The following TLE1 variants were observed in gnomAD, a reference collection of about 807,000 sequenced individuals.
TLE1 encodes TLE family member 1, transcriptional corepressor, also known as transducin-like enhancer protein 1.
TLE1 carries 21 observed loss-of-function variants against 89.8 expected under a neutral mutation model. That is an observed-to-expected ratio of 0.23 (90% CI 0.17 to 0.34). The LOEUF (loss-of-function observed/expected upper bound fraction) is 0.34, where lower values mean the gene tolerates loss of function less well. Ranked by LOEUF, TLE1 falls within the 10% of genes least tolerant of loss-of-function variation. The pLI is 1.00. For missense variants in TLE1, 795 were observed against 1,031.2 expected (o/e 0.77, Z 3.14); for synonymous variants, 447 against 407.6 (o/e 1.10, Z -1.16).
chr9:81,626,377 T>G (rs2132257798), intron 8 of TLE1, among the ~76,000 whole-genome samples: 1 of 152,334 alleles, frequency 6.6e-6, no homozygotes, highest in African/African-American at 2.4e-5. Context: ...CTTCTCCATC[T>G]ACACCTGGTG....
At chr9:81,620,297 T>G in intron 9 of TLE1, 144 bp downstream of exon 9, 1 of 687,666 alleles carries the variant, frequency 1.5e-6, no homozygotes. Context: ...CAAAGGGAAA[T>G]ACTATCCTAC....
chr9:81,687,838 G>A (rs748678855), intron 1 of TLE1, among the ~76,000 whole-genome samples: 1 of 152,036 alleles, frequency 6.6e-6, no homozygotes, highest in Non-Finnish European at 1.5e-5. Context: ...AGAGTCGCCG[G>A]GGCCACCTCC....
At chr9:81,605,881 A>C (rs1171400540) in intron 14 of TLE1, among the ~76,000 whole-genome samples, 2 of 152,172 alleles carry the variant, frequency 1.3e-5, no homozygotes, top group African/African-American at 2.4e-5. Flanking sequence ...CCCATCTGAC[A>C]AAGGGCTAAT....
chr9:81,587,649 G>C, intron 17 of TLE1, 32 bp downstream of exon 17: 2 of 1,583,686 alleles, frequency 1.3e-6, no homozygotes, highest in South Asian at 1.2e-5. Flanking sequence ...CCACCTCCCA[G>C]ACTCCAGGGC....
chr9:81,592,005 G>A (rs1299221651), intron 15 of TLE1, among the ~76,000 whole-genome samples: 1 of 152,204 alleles, frequency 6.6e-6, no homozygotes, highest in African/African-American at 2.4e-5. Context: ...GGGCAGGGCA[G>A]CTCGGAGTCT....
At chr9:81,634,406 G>T in intron 6 of TLE1, 105 bp from the exon 7 acceptor site, 1 of 932,352 alleles carries the variant, frequency 1.1e-6, no homozygotes, top group South Asian at 2.4e-5. Flanking sequence ...CATGACAGGA[G>T]GGGAAGGCGG....
At chr9:81,616,197 C>T in intron 10 of TLE1, 63 bp from the exon 11 acceptor site, 1 of 1,540,062 alleles carries the variant, frequency 6.5e-7, no homozygotes, top group Non-Finnish European at 8.7e-7. Flanking sequence ...TTTCCCTTTC[C>T]ACACTCATTC....
intron 16 of TLE1, 114 bp downstream of exon 16, chr9:81,590,691 C>G (rs1829360127): frequency 6.6e-7 from 1 of 1,511,370 alleles, no homozygotes; most frequent in Admixed American, 2.1e-5. Context: ...AGCCCCATGC[C>G]TGGCATTCAA....
chr9:81,588,754 A>G (rs536743988), intron 16 of TLE1, among the ~76,000 whole-genome samples: 1 of 152,164 alleles, frequency 6.6e-6, no homozygotes, highest in South Asian at 2.1e-4. Context: ...GCAGCCAGAA[A>G]AGGCGAGCAA....
At chr9:81,584,808 A>G (rs1318319654) in intron 18 of TLE1, among the ~76,000 whole-genome samples, 6 of 152,164 alleles carry the variant, frequency 3.9e-5, no homozygotes, top group African/African-American at 1.4e-4. Flanking sequence ...TCAATGAAGA[A>G]TGTGTTCTAT....
chr9:81,608,949 A>AAAAG (rs1360043368), intron 14 of TLE1, among the ~76,000 whole-genome samples: 8 of 152,128 alleles, frequency 5.3e-5, no homozygotes, highest in Non-Finnish European at 1.0e-4. Context: ...AATAATAAAA[A>AAAAG]AAAGAAAGAA....
intron 17 of TLE1, among the ~76,000 whole-genome samples, chr9:81,586,930 T>C (rs1020276944): frequency 2.0e-4 from 31 of 152,342 alleles, no homozygotes; most frequent in Admixed American, 3.3e-4. Context: ...TGTCCTAGTT[T>C]TCTGAGTAGA....
intron 4 of TLE1, among the ~76,000 whole-genome samples, chr9:81,656,325 T>C (rs559149912): frequency 1.3e-5 from 2 of 152,288 alleles, no homozygotes; most frequent in African/African-American, 4.8e-5. Context: ...GGAGTAGAGA[T>C]GCCTTTGGTA....
chr9:81,646,135 A>T (rs905652716), intron 6 of TLE1, among the ~76,000 whole-genome samples: 14 of 152,196 alleles, frequency 9.2e-5, no homozygotes, highest in South Asian at 4.1e-4. Context: ...AAATTTTTTT[A>T]AAAAAGGAAA....
chr9:81,687,294 G>C (rs1355164857), intron 2 of TLE1, 40 bp downstream of exon 2: 2 of 1,556,782 alleles, frequency 1.3e-6, no homozygotes, highest in African/African-American at 2.7e-5. Context: ...GGGGCACCGG[G>C]ACGCCCGCGA....
chr9:81,628,109 G>A (rs1044254706), intron 8 of TLE1, among the ~76,000 whole-genome samples: 5 of 152,182 alleles, frequency 3.3e-5, no homozygotes, highest in African/African-American at 1.2e-4. Context: ...GAGAAACCCA[G>A]AAGTAACTGC....
At chr9:81,626,102 C>G (rs1825872336) in intron 8 of TLE1, among the ~76,000 whole-genome samples, 2 of 152,148 alleles carry the variant, frequency 1.3e-5, no homozygotes, top group Non-Finnish European at 2.9e-5. Flanking sequence ...AAAAGCAAGA[C>G]AGGTTTCCCT....
At chr9:81,622,721 C>T (rs1257524895) in intron 8 of TLE1, among the ~76,000 whole-genome samples, 1 of 152,066 alleles carries the variant, frequency 6.6e-6, no homozygotes, top group East Asian at 1.9e-4. Context: ...TAATTAGCAC[C>T]CCTGCTTATC....
chr9:81,633,970 G>T, intron 7 of TLE1, 127 bp downstream of exon 7: 2 of 1,100,864 alleles, frequency 1.8e-6, no homozygotes, highest in Non-Finnish European at 2.5e-6. Context: ...AAAGCTTTGC[G>T]ACAGTTCCTC....
Sources: allele counts gnomAD v4.1 joint callset (sites outside exome capture counted in the v4.1 genomes callset), GRCh38; gene constraint gnomAD v4.1.1; transcripts MANE v1.5; gene names NCBI Gene and HGNC (gene_info 2026-07-23, HGNC 2026-07-21).